Variants in SLIT2 observed in about 807,000 individuals in gnomAD.
SLIT2 encodes the protein slit guidance ligand 2, also known as slit homolog 2 protein.
A neutral mutation model predicts 185.7 loss-of-function variants in SLIT2; 41 were observed. That is an observed-to-expected ratio of 0.22 (90% confidence interval 0.17 to 0.29). The LOEUF (loss-of-function observed/expected upper bound fraction) is 0.29. SLIT2 is among the 10% of genes least tolerant of loss of function. The pLI, the probability that SLIT2 is intolerant of heterozygous loss-of-function variation, is 1.00. For synonymous variants in SLIT2, 693 were observed against 680.2 expected, an observed-to-expected ratio of 1.02 and a Z score of -0.29; for missense variants, 1,571 against 1,909.0, an observed-to-expected ratio of 0.82 and a Z score of 3.30.
chr4:20,455,263 T>C (rs1365933847), intron 4 of SLIT2, among the ~76,000 whole-genome samples: 1 of 152,162 alleles, frequency 6.6e-6, no homozygotes, highest in Non-Finnish European at 1.5e-5. Context: ...TGTGGGTATA[T>C]GGAGGTAGAA....
At chr4:20,606,881 T>C (rs1363022728) in intron 33 of SLIT2, among the ~76,000 whole-genome samples, 1 of 152,216 alleles carries the variant, frequency 6.6e-6, no homozygotes, top group Non-Finnish European at 1.5e-5. Flanking sequence ...ACAGAAATCA[T>C]GTATTAAAAG....
chr4:20,362,666 A>C (rs1722832868), intron 4 of SLIT2, among the ~76,000 whole-genome samples: 1 of 151,320 alleles, frequency 6.6e-6, no homozygotes, highest in African/African-American at 2.4e-5. Context: ...AGCTTGCATA[A>C]ATATGTTTAT....
chr4:20,289,688 G>A (rs75227242), intron 4 of SLIT2, among the ~76,000 whole-genome samples: 5,248 of 152,246 alleles, frequency 0.034, 241 homozygotes, highest in East Asian at 0.13. Flanking sequence ...CAGAGACTTT[G>A]TTTTGTTCAC....
Position 20,254,140 on chromosome 4 carries a change from G to C in SLIT2, c.179+146G>C. Reference sequence around the variant, plus strand: ...TGCACATCCTGGGGTTGAGCTCTCCGGGAGGGCACTGGCCAGGGAAGGGCC... The same window carrying C: ...TGCACATCCTGGGGTTGAGCTCTCCCGGAGGGCACTGGCCAGGGAAGGGCC... On this transcript the variant is annotated intron_variant, in intron 1 of 36. Coordinates refer to ENST00000504154, the MANE Select transcript of SLIT2 (RefSeq NM_004787.4). The surrounding 1 kb of genome is among the most constrained non-coding windows in gnomAD (Gnocchi z 5.1). 1.2e-6 allele frequency: 1 copy of C among 820,144 alleles called. No homozygotes were observed. Among genetic ancestry groups the C allele is most frequent in the South Asian group, 1.7e-5 (1 of 57,584 alleles). 50.8% of individuals were successfully genotyped at this position (820,144 alleles called of 1,614,324 possible).
rs2109510594 is a variant in SLIT2 at position 20,433,727 on chromosome 4, C to G, written c.396-34025C>G. On this transcript the variant is annotated intron_variant, in intron 4 of 36. Transcript: ENST00000504154. The stretch of plus-strand genomic sequence containing the variant: ...CCAACCAGCCAGTGAGTTTTTAACT[C>G]TGGTTTTCCCTCTGTTTGCAGAATC... Among the ~76,000 whole-genome samples, 2 of 152,306 alleles carry G rather than the reference C, an allele frequency of 1.3e-5. 1 individual carries two copies. Among genetic ancestry groups the G allele is most frequent in the Admixed American group, 1.3e-4 (2 of 15,298 alleles).
At chr4:20,464,586 T>A (rs916483811) in intron 4 of SLIT2, among the ~76,000 whole-genome samples, 1 of 152,192 alleles carries the variant, frequency 6.6e-6, no homozygotes, top group Non-Finnish European at 1.5e-5. Flanking sequence ...AGCACACTGC[T>A]GTCAGTAATG....
At chr4:20,372,403 G>A (rs1212958626) in intron 4 of SLIT2, among the ~76,000 whole-genome samples, 1 of 151,706 alleles carries the variant, frequency 6.6e-6, no homozygotes, top group Non-Finnish European at 1.5e-5. Flanking sequence ...GTGAGGAAAA[G>A]AAACCCAAAG....
intron 4 of SLIT2, among the ~76,000 whole-genome samples, chr4:20,284,377 G>A (rs1035492713): frequency 6.6e-6 from 1 of 152,114 alleles, no homozygotes; most frequent in African/African-American, 2.4e-5. Context: ...CCCTTCCATA[G>A]GTTATACATT....
chr4:20,427,704 T>A (rs1728663446), intron 4 of SLIT2, among the ~76,000 whole-genome samples: 1 of 150,214 alleles, frequency 6.7e-6, no homozygotes, highest in African/African-American at 2.5e-5. Context: ...TTTCTAACAA[T>A]GGCTGATAAT....
intron 4 of SLIT2, among the ~76,000 whole-genome samples, chr4:20,339,061 C>T (rs995111110): frequency 2.2e-5 from 3 of 136,620 alleles, no homozygotes; most frequent in Non-Finnish European, 4.6e-5. Flanking sequence ...CTGCTGTATT[C>T]CAGCCTGCAT....
intron 4 of SLIT2, among the ~76,000 whole-genome samples, chr4:20,331,353 GT>G (rs948589163): frequency 6.6e-6 from 1 of 152,090 alleles, no homozygotes; most frequent in African/African-American, 2.4e-5. Context: ...CAAAAGAAGT[GT>G]TATTGATTGA....
At chr4:20,517,299 C>G (rs1040492430) in intron 11 of SLIT2, among the ~76,000 whole-genome samples, 6 of 152,124 alleles carry the variant, frequency 3.9e-5, no homozygotes, top group African/African-American at 1.2e-4. Context: ...GAATTGAGCA[C>G]CAACCTTAGA....
chr4:20,595,622 G>A (rs1179639835), intron 30 of SLIT2, 75 bp from the exon 31 acceptor site: 1 of 1,565,896 alleles, frequency 6.4e-7, no homozygotes, highest in African/African-American at 1.4e-5. Context: ...TGGTGCCATT[G>A]TGTCTAGATA....
At chr4:20,279,849 A>G (rs1714546212) in intron 4 of SLIT2, among the ~76,000 whole-genome samples, 1 of 152,178 alleles carries the variant, frequency 6.6e-6, no homozygotes, top group Admixed American at 6.6e-5. Context: ...TAACCTGTGT[A>G]TTAACTTTGC....
chr4:20,546,270 C>T (rs553782422), intron 22 of SLIT2, among the ~76,000 whole-genome samples, 171 bp downstream of exon 22: 7 of 152,146 alleles, frequency 4.6e-5, no homozygotes, highest in African/African-American at 7.2e-5. Context: ...CATTGAATAT[C>T]GATCAGGCGA....
chr4:20,356,932 T>TG (rs541392920), intron 4 of SLIT2, among the ~76,000 whole-genome samples: 1 of 152,052 alleles, frequency 6.6e-6, no homozygotes, highest in Non-Finnish European at 1.5e-5. Context: ...AACAGAAAAA[T>TG]TACTTCTCAG....
chr4:20,425,323 A>G (rs1235702524), intron 4 of SLIT2, among the ~76,000 whole-genome samples: 1 of 152,134 alleles, frequency 6.6e-6, no homozygotes, highest in Non-Finnish European at 1.5e-5. Flanking sequence ...TAAAAAACTC[A>G]TTGTCCACAT....
chr4:20,600,769 T>C (rs534598665), intron 33 of SLIT2, among the ~76,000 whole-genome samples: 1 of 152,206 alleles, frequency 6.6e-6, no homozygotes, highest in South Asian at 2.1e-4. Flanking sequence ...ACAGCTTTAA[T>C]TTAATTATTG....
chr4:20,549,119 T>C lies in SLIT2; in HGVS notation c.2480T>C (p.Leu827Pro). ...PPRTFDGLKS[L>P]RLLSLHGNDI... ...CGCACCTTTGATGGATTAAAGTCTC[T>C]TCGATTACTGTAAGCATCTTGTGTT... Residue 827 changes from leucine (L) to proline (P), a missense_variant, in exon 24 of 37, where the codon CTT becomes CCT. Transcript: ENST00000504154. The C allele has an allele frequency of 6.3e-7, 1 of 1,576,962 alleles. No homozygotes were observed.
Sources: allele counts gnomAD v4.1 joint callset (sites outside exome capture counted in the v4.1 genomes callset), GRCh38; gene constraint gnomAD v4.1.1; non-coding constraint Gnocchi (gnomAD v3.1); transcripts MANE v1.5; gene names NCBI Gene and HGNC (gene_info 2026-07-23, HGNC 2026-07-21).